CACNA1C: variants seen among roughly 807,000 people sequenced by gnomAD.
The protein encoded by CACNA1C is voltage-dependent L-type calcium channel subunit alpha-1C.
Under a neutral mutation model 229.0 loss-of-function variants are expected in CACNA1C, and 30 were observed. That is an observed-to-expected ratio of 0.13 (90% CI 0.10 to 0.18). The LOEUF is 0.18. Ranked by LOEUF, CACNA1C falls within the 10% of genes least tolerant of loss-of-function variation. CACNA1C has a pLI of 1.00. For synonymous variants in CACNA1C, 1,114 were observed against 1,132.5 expected, an observed-to-expected ratio of 0.98 and a Z score of 0.33; for missense variants, 1,658 against 2,845.0, an observed-to-expected ratio of 0.58 and a Z score of 9.49.
intron 11 of CACNA1C, among the ~76,000 whole-genome samples, chr12:2,559,627 C>A (rs2046421793): frequency 6.6e-6 from 1 of 152,234 alleles, no homozygotes; most frequent in South Asian, 2.1e-4. Context: ...ATCATTGAAA[C>A]TCATTTCCAG....
chr12:2,216,442 G>A (rs1281321670), intron 3 of CACNA1C, among the ~76,000 whole-genome samples: 1 of 152,200 alleles, frequency 6.6e-6, no homozygotes, highest in African/African-American at 2.4e-5. Context: ...GCCGTGGAGC[G>A]AATGTTTCAG....
intron 3 of CACNA1C, among the ~76,000 whole-genome samples, chr12:2,341,537 C>G (rs1047277137): frequency 6.6e-6 from 1 of 152,214 alleles, no homozygotes; most frequent in Admixed American, 6.5e-5. Context: ...CCACAGGCCC[C>G]TGTGCACACC....
intron 3 of CACNA1C, among the ~76,000 whole-genome samples, chr12:2,274,585 G>A (rs932777433): frequency 3.3e-5 from 5 of 152,170 alleles, no homozygotes; most frequent in South Asian, 2.1e-4. Context: ...CGACGTGCAC[G>A]GTTTCTAATT....
At chr12:2,186,964 C>T (rs1281756893) in intron 3 of CACNA1C, among the ~76,000 whole-genome samples, 1 of 151,008 alleles carries the variant, frequency 6.6e-6, no homozygotes, top group Non-Finnish European at 1.5e-5. Flanking sequence ...GTCCCCTTTC[C>T]CCACAAACTG....
At chr12:2,515,120 G>A (rs964974987) in intron 9 of CACNA1C, among the ~76,000 whole-genome samples, 5 of 152,196 alleles carry the variant, frequency 3.3e-5, no homozygotes, top group Non-Finnish European at 7.3e-5. Flanking sequence ...GACTGGAGTG[G>A]GAGCCTGGCT....
chr12:2,192,114 C>CCCCT (rs1362546911), intron 3 of CACNA1C, among the ~76,000 whole-genome samples: 173 of 152,154 alleles, frequency 1.1e-3, no homozygotes, highest in African/African-American at 3.7e-3. Context: ...ACACACACAC[C>CCCCT]CCCTCCCTCC....
chr12:2,336,916 C>T (rs541459311), intron 3 of CACNA1C, among the ~76,000 whole-genome samples: 10 of 152,082 alleles, frequency 6.6e-5, no homozygotes, highest in Admixed American at 1.3e-4. Flanking sequence ...AGTAAGACAC[C>T]GCAAGAAAAG....
In CACNA1C at chr12:2,652,675, C is replaced by T. The variant is rs553458223; in HGVS notation, c.4074+907C>T. On this transcript the variant is annotated intron_variant, in intron 32 of 46. Coordinates refer to ENST00000399655, the MANE Select transcript of CACNA1C (RefSeq NM_000719.7). ...CCCGTCCCCGCTCTGCCCCCAGCAG[C>T]CTCCTGCCAGGGACTGACCATCCAA... Among the ~76,000 whole-genome samples, 44 of 152,348 alleles carry T rather than the reference C, an allele frequency of 2.9e-4. 1 individual carries two copies. In the South Asian group the frequency reaches 6.4e-3, roughly 22 times the overall value.
chr12:2,257,041 C>T (rs2078188395), intron 3 of CACNA1C, among the ~76,000 whole-genome samples: 1 of 152,200 alleles, frequency 6.6e-6, no homozygotes, highest in African/African-American at 2.4e-5. Flanking sequence ...GGTGGCTCTG[C>T]TCCATATTGT....
At chr12:2,106,423 GGCGCCC>G in intron 1 of CACNA1C, among the ~76,000 whole-genome samples, 1 of 84,586 alleles carries the variant, frequency 1.2e-5, no homozygotes. Flanking sequence ...GAAGCCACTG[GGCGCCC>G]ACCCTGGGGA....
chr12:2,590,783 G>A (rs2064935392), intron 18 of CACNA1C, among the ~76,000 whole-genome samples: 1 of 152,170 alleles, frequency 6.6e-6, no homozygotes, highest in South Asian at 2.1e-4. Context: ...AAACACAAAT[G>A]ATTAAAATAA....
chr12:2,175,164 G>T (rs893126834), intron 3 of CACNA1C, among the ~76,000 whole-genome samples: 2 of 152,246 alleles, frequency 1.3e-5, no homozygotes, highest in African/African-American at 4.8e-5. Flanking sequence ...ACAGTAAAAC[G>T]CAAGAGATCC....
chr12:2,178,849 G>A lies in CACNA1C; in HGVS notation c.477+58419G>A, dbSNP rs535973431. On this transcript the variant is annotated intron_variant, in intron 3 of 46. Coordinates refer to ENST00000399655, the MANE Select transcript of CACNA1C (RefSeq NM_000719.7). ...GGCCGAGGCGGGCAGATCACCCGAG[G>A]TCAGGAGTTCAAGACCAGCCTGGCC... is the stretch of plus-strand genomic sequence containing the variant. 3.9e-5 allele frequency among the ~76,000 whole-genome samples: 6 copies of A among 152,134 alleles called. No homozygotes were observed. The South Asian group carries it at 6.2e-4, about 16-fold the overall frequency.
rs151082710 is a variant in CACNA1C at position 2,410,629 on chromosome 12, C to CTGTG, written c.478-38332_478-38329dup. Reference sequence around the variant, plus strand: ...GACTCTAGCTGTGAGGATGGCTCGCCTGTGTGTGTGTGTGTGTGCATGCGT... The same window carrying CTGTG: ...GACTCTAGCTGTGAGGATGGCTCGCCTGTGTGTGTGTGTGTGTGTGTGCATGCGT... On this transcript the variant is annotated intron_variant, in intron 3 of 46. Coordinates refer to ENST00000399655, the MANE Select transcript of CACNA1C (RefSeq NM_000719.7). The surrounding 1 kb of genome is among the most constrained non-coding windows in gnomAD (Gnocchi z 5.3). 5.3e-3 allele frequency among the ~76,000 whole-genome samples: 787 copies of CTGTG among 147,348 alleles called. 21 individuals are homozygous for CTGTG. Among genetic ancestry groups the CTGTG allele is most frequent in the African/African-American group, 0.019 (741 of 39,478 alleles).
At chr12:2,056,457 A>G (rs1356700959) in intron 1 of CACNA1C, among the ~76,000 whole-genome samples, 1 of 152,134 alleles carries the variant, frequency 6.6e-6, no homozygotes, top group Non-Finnish European at 1.5e-5. Flanking sequence ...TTAATAGTCA[A>G]CCATTGAACA....
chr12:2,553,146 A>T (rs1160055139), intron 10 of CACNA1C, among the ~76,000 whole-genome samples: 2 of 152,170 alleles, frequency 1.3e-5, no homozygotes, highest in African/African-American at 2.4e-5. Context: ...TAGCCCTGGG[A>T]TCTTGGCCAA....
chr12:2,143,841 A>G lies in CACNA1C; in HGVS notation c.477+23411A>G, dbSNP rs928865960. On this transcript the variant is annotated intron_variant, in intron 3 of 46. Coordinates refer to ENST00000399655, the MANE Select transcript of CACNA1C (RefSeq NM_000719.7). ...TCCTCTAGTGATGCAGAGCCTTCCT[A>G]TGATTTTTCTCCCTGCCCCACCCCA... is the stretch of plus-strand genomic sequence containing the variant. Among the ~76,000 whole-genome samples the G allele has an allele frequency of 4.0e-5, 6 of 150,984 alleles. 1 individual carries two copies. The highest frequency in any genetic ancestry group is 7.4e-5 in the Non-Finnish European group (5 of 67,520).
chr12:2,382,010 CCT>C, intron 3 of CACNA1C, among the ~76,000 whole-genome samples: 1 of 152,322 alleles, frequency 6.6e-6, no homozygotes, highest in Non-Finnish European at 1.5e-5. Context: ...CAGACCCATC[CCT>C]CTCTGTGTCA....
intron 1 of CACNA1C, among the ~76,000 whole-genome samples, chr12:2,091,743 A>G (rs995440721): frequency 7.2e-5 from 11 of 152,248 alleles, no homozygotes; most frequent in Non-Finnish European, 1.5e-4. Context: ...TATTCAGCCC[A>G]CACTGGGCCT....
Sources: allele counts gnomAD v4.1 joint callset (sites outside exome capture counted in the v4.1 genomes callset), GRCh38; gene constraint gnomAD v4.1.1; non-coding constraint Gnocchi (gnomAD v3.1); transcripts MANE v1.5; gene names NCBI Gene and HGNC (gene_info 2026-07-23, HGNC 2026-07-21).